ADCY8: variants seen among roughly 807,000 people sequenced by gnomAD.
ADCY8 encodes adenylate cyclase type 8.
Under a neutral mutation model 119.7 loss-of-function variants are expected in ADCY8, and 51 were observed. The ratio of observed to expected loss-of-function variants is 0.43; its 90% CI spans 0.34 to 0.54. The LOEUF (loss-of-function observed/expected upper bound fraction) is 0.54. Ranked by LOEUF, ADCY8 falls within the 20% of genes least tolerant of loss-of-function variation. ADCY8 has a pLI of 0.03. For synonymous variants in ADCY8, 665 were observed against 651.0 expected, an observed-to-expected ratio of 1.02 and a Z score of -0.33; for missense variants, 1,383 against 1,598.8, an observed-to-expected ratio of 0.87 and a Z score of 2.30.
chr8:130,906,970 T>C (rs1230596472), intron 6 of ADCY8, among the ~76,000 whole-genome samples: 2 of 151,836 alleles, frequency 1.3e-5, no homozygotes, highest in South Asian at 2.1e-4. Context: ...ATCATATTAG[T>C]GGTTAGTGGC....
intron 9 of ADCY8, among the ~76,000 whole-genome samples, chr8:130,863,492 A>G (rs1818014017): frequency 6.6e-6 from 1 of 151,730 alleles, no homozygotes; most frequent in Non-Finnish European, 1.5e-5. Flanking sequence ...TTTAACATCC[A>G]TCATCTTTGT....
At chr8:130,848,946 A>T (rs1817422857) in intron 10 of ADCY8, among the ~76,000 whole-genome samples, 1 of 152,222 alleles carries the variant, frequency 6.6e-6, no homozygotes, top group African/African-American at 2.4e-5. Context: ...TAGAAAGTAT[A>T]GGTGAGATAC....
At chr8:130,840,761 T>C (rs1037007484) in intron 11 of ADCY8, among the ~76,000 whole-genome samples, 3 of 152,124 alleles carry the variant, frequency 2.0e-5, no homozygotes, top group African/African-American at 4.8e-5. Flanking sequence ...GACTCCCATA[T>C]AGTAATGGGG....
At chr8:130,963,960 C>T (rs1821685040) in intron 2 of ADCY8, among the ~76,000 whole-genome samples, 1 of 152,204 alleles carries the variant, frequency 6.6e-6, no homozygotes, top group African/African-American at 2.4e-5. Context: ...AGGCTTTCCA[C>T]CCCAATGTTT....
intron 7 of ADCY8, among the ~76,000 whole-genome samples, chr8:130,901,904 A>T (rs1819615857): frequency 6.6e-6 from 1 of 152,188 alleles, no homozygotes; most frequent in Non-Finnish European, 1.5e-5. Flanking sequence ...CATCTCTTAT[A>T]ATAGGTATTT....
At chr8:131,034,685 T>G (rs1824096233) in intron 1 of ADCY8, among the ~76,000 whole-genome samples, 2 of 152,094 alleles carry the variant, frequency 1.3e-5, no homozygotes, top group South Asian at 4.1e-4. Context: ...TGCCTTTGAT[T>G]GTACAGTTAT....
intron 2 of ADCY8, among the ~76,000 whole-genome samples, chr8:130,961,298 C>T (rs1234347821): frequency 7.9e-5 from 12 of 151,862 alleles, no homozygotes; most frequent in East Asian, 5.8e-4. Flanking sequence ...TTAGTAGAGA[C>T]GGGGTTTCAT....
intron 2 of ADCY8, among the ~76,000 whole-genome samples, chr8:130,959,329 G>T (rs1465705356): frequency 6.6e-6 from 1 of 152,016 alleles, no homozygotes; most frequent in African/African-American, 2.4e-5. Context: ...CTCGGTTACA[G>T]GAAAAATGGG....
intron 15 of ADCY8, among the ~76,000 whole-genome samples, chr8:130,794,669 A>G (rs1286410402): frequency 6.6e-6 from 1 of 152,258 alleles, no homozygotes; most frequent in Non-Finnish European, 1.5e-5. Flanking sequence ...CTGCTCAAGC[A>G]GCCATAATAA....
At chr8:130,950,072 C>G (rs902168555) in intron 3 of ADCY8, among the ~76,000 whole-genome samples, 1 of 152,162 alleles carries the variant, frequency 6.6e-6, no homozygotes, top group African/African-American at 2.4e-5. Context: ...AGAACACCTA[C>G]AGATGCTGCT....
At chr8:130,807,780 C>T (rs555700717) in intron 14 of ADCY8, among the ~76,000 whole-genome samples, 8 of 151,386 alleles carry the variant, frequency 5.3e-5, no homozygotes, top group African/African-American at 9.7e-5. Flanking sequence ...GTCAGGAGAT[C>T]GAGACCATCC....
chr8:131,033,971 A>C (rs1312206206), intron 1 of ADCY8, among the ~76,000 whole-genome samples: 2 of 152,108 alleles, frequency 1.3e-5, no homozygotes, highest in African/African-American at 4.8e-5. Flanking sequence ...GAAAGCCGAC[A>C]TTATTTTTTT....
chr8:130,788,877 T>C (rs902850978), intron 15 of ADCY8, among the ~76,000 whole-genome samples: 2 of 152,146 alleles, frequency 1.3e-5, no homozygotes, highest in African/African-American at 4.8e-5. Flanking sequence ...AAGAATATGA[T>C]AAATCTCAAA....
intron 5 of ADCY8, among the ~76,000 whole-genome samples, chr8:130,936,005 C>G (rs375639160): frequency 5.9e-5 from 9 of 151,424 alleles, no homozygotes; most frequent in African/African-American, 2.2e-4. Context: ...AGCTTACAAA[C>G]AGCCCATGGT....
rs1175623555 is a variant in ADCY8, at chr8:130,909,835, C to T, written c.1513G>A (p.Asp505Asn). 1 of 1,614,134 alleles carries T rather than the reference C, an allele frequency of 6.2e-7. No individual in the cohort carries two copies. The highest frequency in any genetic ancestry group is 1.6e-4 in the Middle Eastern group (1 of 6,062). ...YVRSRTKHDVDMRIGIHSGSV... is the reference protein window; with the variant it reads ...YVRSRTKHDVNMRIGIHSGSV... ...CCGGAGTGGATTCCAATCCTCATGT[C>T]AACATCGTGTTTTGTCCTTGACCGC... is the stretch of plus-strand genomic sequence containing the variant. Residue 505 changes from aspartate (D) to asparagine (N), a missense_variant, in exon 6 of 18, where the codon GAC becomes AAC. Physicochemically the swap from Asp to Asn is conservative, Grantham distance 23 (BLOSUM62 1). This residue lies in a region of ADCY8 where 928 missense variants were observed against 1,163.5 expected (regional missense o/e 0.80). Transcript: ENST00000286355.
At chr8:130,869,122 C>A (rs866015976) in intron 8 of ADCY8, among the ~76,000 whole-genome samples, 1 of 152,158 alleles carries the variant, frequency 6.6e-6, no homozygotes, top group Non-Finnish European at 1.5e-5. Flanking sequence ...GGATGAAGCA[C>A]AATGCTGTTC....
At chr8:130,846,512 C>T (rs1163391899) in intron 11 of ADCY8, among the ~76,000 whole-genome samples, 5 of 150,152 alleles carry the variant, frequency 3.3e-5, no homozygotes, top group Non-Finnish European at 5.9e-5. Context: ...TCCTTCTTCC[C>T]TCTCTCCCTC....
intron 3 of ADCY8, among the ~76,000 whole-genome samples, chr8:130,948,385 C>T (rs1458623525): frequency 6.6e-6 from 1 of 152,114 alleles, no homozygotes; most frequent in Non-Finnish European, 1.5e-5. Context: ...CTGGAGAAGT[C>T]TCAGAGGTTG....
At chr8:130,893,748 ATG>A (rs1002461483) in intron 7 of ADCY8, among the ~76,000 whole-genome samples, 19 of 128,762 alleles carry the variant, frequency 1.5e-4, no homozygotes, top group African/African-American at 3.0e-4. Flanking sequence ...GTGCAAGTTT[ATG>A]TGTGTGTGCA....
Sources: gnomAD v4.1 joint callset for allele counts (sites outside exome capture counted in the v4.1 genomes callset) on GRCh38, gnomAD v4.1.1 for gene constraint, gnomAD v4.1.1 regional missense constraint, MANE v1.5 for transcripts, NCBI Gene and HGNC (gene_info 2026-07-23, HGNC 2026-07-21) for gene names.